Variants in JAKMIP1 observed in about 807,000 individuals in gnomAD.
JAKMIP1 encodes janus kinase and microtubule interacting protein 1.
In JAKMIP1, 33 loss-of-function variants were observed where a neutral mutation model predicts 113.0. The observed-to-expected ratio is 0.29, with a 90% CI of 0.22 to 0.39. The LOEUF (loss-of-function observed/expected upper bound fraction) is 0.39. Ranked by LOEUF, JAKMIP1 falls within the 10% of genes least tolerant of loss-of-function variation. The pLI, the probability that JAKMIP1 is intolerant of heterozygous loss-of-function variation, is 1.00. For missense variants in JAKMIP1, 813 were observed against 1,080.5 expected, an observed-to-expected ratio of 0.75 and a Z score of 3.47; for synonymous variants, 480 against 459.9, an observed-to-expected ratio of 1.04 and a Z score of -0.56.
At chr4:6,110,949 G>C (rs1435204658) in intron 2 of JAKMIP1, among the ~76,000 whole-genome samples, 1 of 151,546 alleles carries the variant, frequency 6.6e-6, no homozygotes, top group East Asian at 2.0e-4. Context: ...CCTGGCTAAA[G>C]GGTGAACAGG....
chr4:6,143,835 T>C lies in JAKMIP1; in HGVS notation c.-147-30838A>G, dbSNP rs1318199095. 2.6e-5 allele frequency among the ~76,000 whole-genome samples: 4 copies of C among 152,234 alleles called. No individual in the cohort carries two copies. The East Asian group carries it at 7.7e-4, about 29-fold the overall frequency. The stretch of plus-strand genomic sequence containing the variant: ...AGAACAATTTCTGGTCATCAGGGAA[T>C]AACAGAAGGCTTGTAGGACCCAGGC... On this transcript the variant is annotated intron_variant, in intron 1 of 20. Transcript: ENST00000409021. The surrounding 1 kb of genome is among the most constrained non-coding windows in gnomAD (Gnocchi z 4.9).
At chr4:6,048,603 G>A (rs1715279963) in intron 16 of JAKMIP1, among the ~76,000 whole-genome samples, 1 of 152,206 alleles carries the variant, frequency 6.6e-6, no homozygotes, top group South Asian at 2.1e-4. Flanking sequence ...GGAAACCACT[G>A]GAAGGAAATA....
At chr4:6,123,283 G>A (rs1033786067) in intron 1 of JAKMIP1, among the ~76,000 whole-genome samples, 7 of 152,154 alleles carry the variant, frequency 4.6e-5, no homozygotes, top group Non-Finnish European at 5.9e-5. Context: ...CAAAGCCCCC[G>A]TCCCAGGGGC....
chr4:6,161,697 C>T (rs1181136538), intron 1 of JAKMIP1, among the ~76,000 whole-genome samples: 1 of 152,002 alleles, frequency 6.6e-6, no homozygotes, highest in Admixed American at 6.5e-5. Flanking sequence ...CCAGAGCCAC[C>T]GGGTGCTCTG....
chr4:6,103,471 T>C (rs969833690), intron 3 of JAKMIP1, among the ~76,000 whole-genome samples: 1 of 152,240 alleles, frequency 6.6e-6, no homozygotes, highest in Admixed American at 6.5e-5. Flanking sequence ...AGTTTTCTTA[T>C]CCTGTAATGT....
chr4:6,033,300 G>T (rs997695141), intron 19 of JAKMIP1, among the ~76,000 whole-genome samples: 2 of 152,194 alleles, frequency 1.3e-5, no homozygotes, highest in Non-Finnish European at 2.9e-5. Context: ...GGTTGAAGCG[G>T]GTAGCTAGTG....
At chr4:6,079,749 G>A (rs1720230649) in intron 7 of JAKMIP1, among the ~76,000 whole-genome samples, 2 of 152,132 alleles carry the variant, frequency 1.3e-5, no homozygotes, top group African/African-American at 2.4e-5. Context: ...CTGGTTATAA[G>A]GTTCAAGTTT....
At chr4:6,148,605 G>A (rs927038315) in intron 1 of JAKMIP1, among the ~76,000 whole-genome samples, 13 of 152,226 alleles carry the variant, frequency 8.5e-5, no homozygotes, top group Non-Finnish European at 1.5e-4. Flanking sequence ...TTCCTGGTGC[G>A]CTCCCCTTGT....
intron 1 of JAKMIP1, among the ~76,000 whole-genome samples, chr4:6,125,891 G>A (rs1459188171): frequency 9.4e-4 from 12 of 12,812 alleles, no homozygotes; most frequent in Admixed American, 2.0e-3. Flanking sequence ...TACACACCAT[G>A]CAGAAACACA....
chr4:6,063,961 CCTGCCCCTGCCGGAGGGCA>C (rs1560129006), intron 9 of JAKMIP1, among the ~76,000 whole-genome samples: 1 of 152,210 alleles, frequency 6.6e-6, no homozygotes, highest in Admixed American at 6.5e-5. Context: ...GCGCGATCCA[CCTGCCCCTGCCGGAGGGCA>C]CTGCCCTGAG....
Position 6,135,416 on chromosome 4 carries a change from C to A in JAKMIP1, c.-147-22419G>T, listed in dbSNP as rs996326087. ...AAACCAACCCTGGTGGCAGCTTGAT[C>A]TCGGACTTCCAGTCTCCAGAATTGG... On this transcript the variant is annotated intron_variant, in intron 1 of 20. Transcript: ENST00000409021. This position sits in a 1 kb window ranked among gnomAD's most constrained non-coding sequence, Gnocchi z 4.9. Among the ~76,000 whole-genome samples the A allele has an allele frequency of 1.3e-5, 2 of 152,100 alleles. No homozygotes were observed. Among genetic ancestry groups the A allele is most frequent in the African/African-American group, 4.8e-5 (2 of 41,410 alleles).
Position 6,200,299 on chromosome 4 carries a change from G to A in JAKMIP1, c.-194C>T, listed in dbSNP as rs917675234. On this transcript the variant is annotated 5_prime_UTR_variant, in exon 1 of 21. Coordinates refer to ENST00000409021, the MANE Select transcript of JAKMIP1 (RefSeq NM_001099433.2). This position sits in a 1 kb window ranked among gnomAD's most constrained non-coding sequence, Gnocchi z 7.0. ...GCCGGGCAGCAGCAGCGGACGTAGC[G>A]AGCGCAGCCCCGCGCCGCATCCTCC... 1.3e-5 allele frequency: 2 copies of A among 153,090 alleles called. No individual in the cohort carries two copies. The highest frequency in any genetic ancestry group is 1.8e-4 in the South Asian group (1 of 5,540). 9.5% of individuals were successfully genotyped at this position (153,090 alleles called of 1,614,324 possible). A position where few individuals can be genotyped will look rare whatever the true frequency, so the allele number is the denominator to read the frequency against.
intron 5 of JAKMIP1, among the ~76,000 whole-genome samples, chr4:6,083,548 T>C (rs1346997976): frequency 1.3e-5 from 2 of 152,058 alleles, no homozygotes; most frequent in African/African-American, 2.4e-5. Context: ...ATTTATGAGC[T>C]TATAAATATT....
Position 6,141,152 on chromosome 4 carries a change from G to A in JAKMIP1, c.-147-28155C>T, listed in dbSNP as rs117267152. ...GCTACCAACATTTAAAGTGGTAGAC[G>A]AGGCCGGGCGCAGTGGCTCATGCCT... On this transcript the variant is annotated intron_variant, in intron 1 of 20. Coordinates refer to ENST00000409021, the MANE Select transcript of JAKMIP1 (RefSeq NM_001099433.2). This position sits in a 1 kb window ranked among gnomAD's most constrained non-coding sequence, Gnocchi z 9.4. 2.4e-4 allele frequency among the ~76,000 whole-genome samples: 37 copies of A among 152,308 alleles called. No homozygotes were observed. The highest frequency in any genetic ancestry group is 7.7e-4 in the East Asian group (4 of 5,180).
In JAKMIP1 at chr4:6,136,287, G is replaced by A. The variant is rs868507282; in HGVS notation, c.-147-23290C>T. Among the ~76,000 whole-genome samples, 5 of 152,172 alleles carry A rather than the reference G, an allele frequency of 3.3e-5. No homozygotes were observed. The highest frequency in any genetic ancestry group is 2.1e-4 in the South Asian group (1 of 4,814). ...AATAACATGTACCAAAGTGCTTGAC[G>A]TCTAAATGCAGGCATCTGTGAATCC... On this transcript the variant is annotated intron_variant, in intron 1 of 20. Coordinates refer to ENST00000409021, the MANE Select transcript of JAKMIP1 (RefSeq NM_001099433.2). The surrounding 1 kb of genome is among the most constrained non-coding windows in gnomAD (Gnocchi z 5.9).
intron 3 of JAKMIP1, among the ~76,000 whole-genome samples, chr4:6,101,268 G>T (rs775134980): frequency 4.0e-5 from 6 of 150,826 alleles, no homozygotes; most frequent in Non-Finnish European, 8.9e-5. Context: ...GAGTGTGTGT[G>T]GTGTGTGTGT....
rs1715317861 is a variant in JAKMIP1, at chr4:6,048,896, T to G, written c.1989A>C (p.Ala663=). 3 of 1,613,906 alleles carry G rather than the reference T, an allele frequency of 1.9e-6. No individual in the cohort carries two copies. The South Asian group carries it at 3.3e-5, about 18-fold the overall frequency. ...CAAGCACAGTTCCAGCTTGGATTATTGCAACCTGTTCTTCATTTCTCAAAT... is the reference window on the plus strand; with the variant it reads ...CAAGCACAGTTCCAGCTTGGATTATGGCAACCTGTTCTTCATTTCTCAAAT... ...NGNLRNEEQV[A]IIQAGTVLAL... Residue 663 remains alanine (A), a synonymous_variant, in exon 16 of 21, where the codon GCA becomes GCC. Coordinates refer to ENST00000409021, the MANE Select transcript of JAKMIP1 (RefSeq NM_001099433.2).
chr4:6,111,223 G>A (rs1211083716), intron 2 of JAKMIP1, among the ~76,000 whole-genome samples: 2 of 152,176 alleles, frequency 1.3e-5, no homozygotes, highest in Non-Finnish European at 2.9e-5. Context: ...AGACAGGGAC[G>A]CCTGCTGCAA....
intron 12 of JAKMIP1, among the ~76,000 whole-genome samples, chr4:6,054,373 C>T (rs1360755498): frequency 1.3e-5 from 2 of 152,206 alleles, no homozygotes; most frequent in Non-Finnish European, 2.9e-5. Flanking sequence ...GCCAGGTTCA[C>T]CCCTGCACCT....
Sources: gnomAD v4.1 joint callset for allele counts (sites outside exome capture counted in the v4.1 genomes callset) on GRCh38, gnomAD v4.1.1 for gene constraint, Gnocchi (gnomAD v3.1) non-coding constraint, MANE v1.5 for transcripts, NCBI Gene and HGNC (gene_info 2026-07-23, HGNC 2026-07-21) for gene names.